Variants in ICMT observed in about 807,000 individuals in gnomAD.
The protein encoded by ICMT is isoprenylcysteine carboxyl methyltransferase.
ICMT carries 10 observed loss-of-function variants against 32.2 expected under a neutral mutation model. The ratio of observed to expected loss-of-function variants is 0.31; its 90% confidence interval spans 0.19 to 0.53. ICMT has a LOEUF of 0.53. Among genes scored for constraint, ICMT ranks in the 20% least tolerant of loss-of-function variants. The pLI, the probability that ICMT is intolerant of heterozygous loss-of-function variation, is 0.96. For missense variants in ICMT, 265 were observed against 356.9 expected (o/e 0.74, Z 2.07); for synonymous variants, 183 against 158.2 (o/e 1.16, Z -1.18).
intron 1 of ICMT, among the ~76,000 whole-genome samples, chr1:6,235,357 AG>A (rs1668805230): frequency 6.6e-6 from 1 of 152,204 alleles, no homozygotes; most frequent in South Asian, 2.1e-4. Context: ...CTAGTTTATG[AG>A]GTCAGGGCAC....
chr1:6,228,002 C>CA (rs1420589021), intron 4 of ICMT, among the ~76,000 whole-genome samples: 2 of 151,372 alleles, frequency 1.3e-5, no homozygotes, highest in East Asian at 1.9e-4. Context: ...CCCATCTCTA[C>CA]AAAAAACAAA....
intron 3 of ICMT, among the ~76,000 whole-genome samples, chr1:6,233,166 C>T (rs892042735): frequency 9.8e-5 from 15 of 152,338 alleles, no homozygotes; most frequent in Admixed American, 9.2e-4. Flanking sequence ...TAAACTCTTA[C>T]ATGAAACGTC....
In ICMT at chr1:6,222,467, G is replaced by A. The variant is rs1052796682; in HGVS notation, c.*2613C>T. On this transcript the variant is annotated 3_prime_UTR_variant, in exon 5 of 5. Transcript: ENST00000343813. ...AATGGAGTTCATCTTTTATCCCTAA[G>A]TAATTGCTGACTTCTGCTCTGGGAT... 2 of 152,180 alleles carry A rather than the reference G, an allele frequency of 1.3e-5. No individual in the cohort carries two copies. The highest frequency in any genetic ancestry group is 2.4e-5 in the African/African-American group (1 of 41,428). 9.4% of individuals were successfully genotyped at this position (152,180 alleles called of 1,614,324 possible).
intron 2 of ICMT, 40 bp downstream of exon 2, chr1:6,234,846 A>T: frequency 7.0e-7 from 1 of 1,432,544 alleles, no homozygotes; most frequent in Non-Finnish European, 9.9e-7. Flanking sequence ...TGATCTGTCC[A>T]CCCTCGCCTG....
chr1:6,233,916 T>C (rs1304171785), intron 2 of ICMT, among the ~76,000 whole-genome samples: 1 of 152,208 alleles, frequency 6.6e-6, no homozygotes, highest in African/African-American at 2.4e-5. Flanking sequence ...CTGCGTGATC[T>C]CAGCTCACTG....
At chr1:6,230,766 G>A (rs1668723081) in intron 4 of ICMT, among the ~76,000 whole-genome samples, 1 of 151,774 alleles carries the variant, frequency 6.6e-6, no homozygotes, top group African/African-American at 2.4e-5. Flanking sequence ...GCGGGCGCCT[G>A]TAGTCCCAGC....
chr1:6,231,897 T>C lies in ICMT; in HGVS notation c.672+5A>G, dbSNP rs762044914. 5 of 1,528,610 alleles carry C rather than the reference T, an allele frequency of 3.3e-6. No homozygotes were observed. The highest frequency in any genetic ancestry group is 4.6e-5 in the East Asian group (2 of 43,916). The allele number at this position is 1,528,610 out of a possible 1,614,324, so 94.7% of individuals were successfully genotyped here. ...AGAAAAGCAGTGTCATATTTAATAT[T>C]ATACCTGAGTTCCAATACTCCAGTA... On this transcript the variant is annotated splice_donor_5th_base_variant and intron_variant, in intron 4 of 4. Coordinates refer to ENST00000343813, the MANE Select transcript of ICMT (RefSeq NM_012405.4).
chr1:6,231,338 G>C (rs1363204445), intron 4 of ICMT, among the ~76,000 whole-genome samples: 1 of 152,094 alleles, frequency 6.6e-6, no homozygotes, highest in Non-Finnish European at 1.5e-5. Flanking sequence ...GAGTGACAGA[G>C]GGCACTCCCT....
Position 6,222,870 on chromosome 1 carries a change from C to T in ICMT, c.*2210G>A, listed in dbSNP as rs1668577978. The T allele has an allele frequency of 6.6e-6, 1 of 152,270 alleles. No homozygotes were observed. Among genetic ancestry groups the T allele is most frequent in the Non-Finnish European group, 1.5e-5 (1 of 68,064 alleles). The allele number at this position is 152,270 out of a possible 1,614,324, so 9.4% of individuals were successfully genotyped here. On this transcript the variant is annotated 3_prime_UTR_variant, in exon 5 of 5. Transcript: ENST00000343813. ...GGGGCAGGATGCCAGAATCTAACTACATCCTCTCCCGGTTTGCAGTTCTAG... is the reference window on the plus strand; with the variant it reads ...GGGGCAGGATGCCAGAATCTAACTATATCCTCTCCCGGTTTGCAGTTCTAG...
Position 6,233,641 on chromosome 1 carries a change from T to C in ICMT, c.287A>G (p.Tyr96Cys). 6.2e-7 allele frequency: 1 copy of C among 1,609,138 alleles called. No individual in the cohort carries two copies. The highest frequency in any genetic ancestry group is 8.5e-7 in the Non-Finnish European group (1 of 1,178,386). The change falls in exon 3 of 5, where the codon TAC becomes TGC. Residue 96 changes from tyrosine to cysteine, a missense_variant and splice_region_variant. Tyr to Cys is a radical substitution (Grantham distance 194). Around this residue, in one of 2 missense-constraint regions of ICMT, gnomAD observed 166 missense variants for 264.3 expected, o/e 0.63. Transcript: ENST00000343813. ...SQSSWSHFGW[Y>C]MCSLSLFHYS... ...GTGGAACAATGACAGGGAGCACATG[T>C]ACCTATTTAAAGACAAAAAGAGAGT...
intron 4 of ICMT, 106 bp from the exon 5 acceptor site, chr1:6,225,368 TGCTGA>T: frequency 9.2e-7 from 1 of 1,087,734 alleles, no homozygotes; most frequent in Non-Finnish European, 1.3e-6. Context: ...GCCCATGCCC[TGCTGA>T]GACCGTCAGG....
rs1460060262 is a variant in ICMT at position 6,233,515 on chromosome 1, G to A, written c.413C>T (p.Ser138Phe). 6.2e-7 allele frequency: 1 copy of A among 1,614,004 alleles called. No homozygotes were observed. Among genetic ancestry groups the A allele is most frequent in the South Asian group, 1.1e-5 (1 of 91,024 alleles). ...TTCAAGTGTGAACTCTAACCAAGAA[G>A]AAAGAGCAGCTACTGTATACTCCAG... ...HSLEYTVAAL[S>F]SWLEFTLENI... The change falls in exon 3 of 5, where the codon TCT becomes TTT. Residue 138 changes from serine (S) to phenylalanine (F), a missense_variant. Ser to Phe is a radical substitution (Grantham distance 155). Coordinates refer to ENST00000343813, the MANE Select transcript of ICMT (RefSeq NM_012405.4).
In ICMT at chr1:6,235,712, T is replaced by A. The variant is rs1022818902; in HGVS notation, c.195+5A>T. Reference sequence around the variant, plus strand: ...CGGCCCCCGCCGGCCCCCGCCGGCCTGCACCTGGTAGCGAGGCGGCCGATA... The same window carrying A: ...CGGCCCCCGCCGGCCCCCGCCGGCCAGCACCTGGTAGCGAGGCGGCCGATA... On this transcript the variant is annotated splice_donor_5th_base_variant and intron_variant, in intron 1 of 4. Transcript: ENST00000343813. The A allele has an allele frequency of 1.1e-5, 14 of 1,250,864 alleles. No homozygotes were observed. The highest frequency in any genetic ancestry group is 1.2e-5 in the Non-Finnish European group (12 of 991,074). The allele number at this position is 1,250,864 out of a possible 1,614,324, so 77.5% of individuals were successfully genotyped here. A position where few individuals can be genotyped will look rare whatever the true frequency, so the allele number is the denominator to read the frequency against.
At chr1:6,227,353 GC>G (rs1668660496) in intron 4 of ICMT, among the ~76,000 whole-genome samples, 1 of 152,214 alleles carries the variant, frequency 6.6e-6, no homozygotes, top group African/African-American at 2.4e-5. Flanking sequence ...AATTGTAAAT[GC>G]TATGTGATCA....
chr1:6,233,433 C>T, intron 3 of ICMT, 41 bp downstream of exon 3: 1 of 1,573,742 alleles, frequency 6.4e-7, no homozygotes, highest in Non-Finnish European at 8.6e-7. Context: ...GAATGGGAGC[C>T]ACCCTTTTCC....
chr1:6,229,583 C>T (rs964830764), intron 4 of ICMT, among the ~76,000 whole-genome samples: 18 of 152,072 alleles, frequency 1.2e-4, no homozygotes, highest in Non-Finnish European at 2.4e-4. Context: ...CACTCAAACC[C>T]GGGAGGCGGA....
intron 4 of ICMT, 77 bp from the exon 5 acceptor site, chr1:6,225,339 A>C (rs1668629261): frequency 7.2e-7 from 1 of 1,394,172 alleles, no homozygotes; most frequent in African/African-American, 1.4e-5. Flanking sequence ...TCTGTCTCTA[A>C]TACCCAGAGG....
intron 4 of ICMT, among the ~76,000 whole-genome samples, chr1:6,226,711 G>A (rs1166685207): frequency 6.6e-6 from 1 of 152,120 alleles, no homozygotes; most frequent in Non-Finnish European, 1.5e-5. Flanking sequence ...ACCTTTGAGG[G>A]CACGCTACTA....
At chr1:6,231,165 GGTCTC>G (rs1668729840) in intron 4 of ICMT, among the ~76,000 whole-genome samples, 1 of 150,950 alleles carries the variant, frequency 6.6e-6, no homozygotes, top group African/African-American at 2.4e-5. Flanking sequence ...AGCAAGACTA[GGTCTC>G]AAAAAAAAAA....
Sources: gnomAD v4.1 joint callset for allele counts (sites outside exome capture counted in the v4.1 genomes callset) on GRCh38, gnomAD v4.1.1 for gene constraint, gnomAD v4.1.1 regional missense constraint, MANE v1.5 for transcripts, NCBI Gene and HGNC (gene_info 2026-07-23, HGNC 2026-07-21) for gene names.